Variants in DLG2 observed in about 807,000 individuals in gnomAD.
DLG2 encodes the protein discs large MAGUK scaffold protein 2.
DLG2 carries 45 observed loss-of-function variants against 132.5 expected under a neutral mutation model. The observed-to-expected ratio is 0.34, with a 90% CI of 0.27 to 0.44. DLG2 has a LOEUF of 0.44. DLG2 is among the 20% of genes least tolerant of loss of function. DLG2 has a pLI of 1.00. For missense variants in DLG2, 1,045 were observed against 1,196.9 expected (o/e 0.87, Z 1.87); for synonymous variants, 424 against 419.6 (o/e 1.01, Z -0.13).
At chr11:85,288,699 G>A (rs1373496291) in intron 3 of DLG2, among the ~76,000 whole-genome samples, 1 of 151,886 alleles carries the variant, frequency 6.6e-6, no homozygotes, top group East Asian at 1.9e-4. Flanking sequence ...AGAAAAAAAA[G>A]AATTTCTGTA....
At chr11:83,561,883 C>CTTTTTTTTTT (rs66514406) in intron 19 of DLG2, among the ~76,000 whole-genome samples, 3 of 87,966 alleles carry the variant, frequency 3.4e-5, no homozygotes, top group African/African-American at 4.6e-5. Context: ...GTATTTCTTT[C>CTTTTTTTTTT]TTTTTTTTTT....
intron 6 of DLG2, among the ~76,000 whole-genome samples, chr11:84,996,405 C>T (rs533367090): frequency 5.3e-5 from 8 of 152,108 alleles, no homozygotes; most frequent in East Asian, 3.9e-4. Context: ...CTTAATCTCT[C>T]GTAGTATATT....
At chr11:85,160,043 T>G (rs3941173) in intron 4 of DLG2, among the ~76,000 whole-genome samples, 14,597 of 152,168 alleles carry the variant, frequency 0.096, 946 homozygotes, top group African/African-American at 0.18. Flanking sequence ...AATTCTTAGG[T>G]GTCCAGTGGT....
chr11:84,084,266 C>G (rs565567930), intron 10 of DLG2, among the ~76,000 whole-genome samples: 1 of 152,156 alleles, frequency 6.6e-6, no homozygotes, highest in South Asian at 2.1e-4. Context: ...GGACTGCTGT[C>G]GCTGTGCTGG....
rs1013287319 is a variant in DLG2, at chr11:85,254,050, G to A, written c.186+31170C>T. Among the ~76,000 whole-genome samples the A allele has an allele frequency of 4.6e-5, 7 of 152,128 alleles. No homozygotes were observed. In the South Asian group the frequency reaches 6.2e-4, roughly 14 times the overall value. ...GATGGTTTTGGAAAAGGCAACATTC[G>A]GGCAGGAAAACAGGGATGTAAATTC... On this transcript the variant is annotated intron_variant, in intron 4 of 27. Transcript: ENST00000376104.
rs531603389 is a variant in DLG2, at chr11:84,603,740, G to A, written c.358-69009C>T. Among the ~76,000 whole-genome samples, 27 of 151,982 alleles carry A rather than the reference G, an allele frequency of 1.8e-4. No individual in the cohort carries two copies. In the East Asian group the frequency reaches 4.6e-3, roughly 26 times the overall value. ...TATCTCATGTATTGGTTTATGACAAGATTATCCAATTCAGTCATTTTATAA... is the reference window on the plus strand; with the variant it reads ...TATCTCATGTATTGGTTTATGACAAAATTATCCAATTCAGTCATTTTATAA... On this transcript the variant is annotated intron_variant, in intron 6 of 27. Transcript: ENST00000376104.
At chr11:85,116,014 C>G (rs1352365573) in intron 5 of DLG2, among the ~76,000 whole-genome samples, 1 of 151,918 alleles carries the variant, frequency 6.6e-6, no homozygotes, top group East Asian at 1.9e-4. Context: ...AATCTTTGAA[C>G]AAGCATTTCA....
chr11:83,601,787 T>TG (rs1205335875), intron 19 of DLG2, among the ~76,000 whole-genome samples: 1 of 151,960 alleles, frequency 6.6e-6, no homozygotes, highest in Non-Finnish European at 1.5e-5. Context: ...CCTCCCAAAG[T>TG]GCTGGGGTTA....
chr11:84,010,686 T>C (rs1488463787), intron 11 of DLG2, among the ~76,000 whole-genome samples: 2 of 152,104 alleles, frequency 1.3e-5, no homozygotes, highest in African/African-American at 4.8e-5. Context: ...AACTGAAGTA[T>C]GACAACATAA....
chr11:84,435,454 A>T (rs564718481), intron 7 of DLG2, among the ~76,000 whole-genome samples: 3 of 152,246 alleles, frequency 2.0e-5, no homozygotes, highest in African/African-American at 7.2e-5. Context: ...ATGTTATTTC[A>T]TGTTGCTTAT....
At chr11:84,196,795 C>T (rs2096524891) in intron 8 of DLG2, among the ~76,000 whole-genome samples, 1 of 151,902 alleles carries the variant, frequency 6.6e-6, no homozygotes, top group African/African-American at 2.4e-5. Flanking sequence ...AATCCCAGCA[C>T]TTTGGGAGGC....
intron 8 of DLG2, among the ~76,000 whole-genome samples, chr11:84,182,013 C>A (rs747494168): frequency 6.6e-6 from 1 of 152,134 alleles, no homozygotes; most frequent in Non-Finnish European, 1.5e-5. Flanking sequence ...CTCCATGGAA[C>A]CATCACACAA....
chr11:84,420,920 G>A (rs978717396), intron 7 of DLG2, among the ~76,000 whole-genome samples: 8 of 151,530 alleles, frequency 5.3e-5, no homozygotes, highest in Non-Finnish European at 7.4e-5. Context: ...TGCCCGCCTC[G>A]GCCTCCCAAA....
intron 3 of DLG2, among the ~76,000 whole-genome samples, chr11:85,461,059 T>C (rs2092593884): frequency 6.6e-6 from 1 of 152,234 alleles, no homozygotes; most frequent in African/African-American, 2.4e-5. Flanking sequence ...AAAGCTTCTA[T>C]TCTTAAACTT....
intron 15 of DLG2, among the ~76,000 whole-genome samples, chr11:83,888,863 C>T (rs949502080): frequency 4.6e-5 from 7 of 152,146 alleles, no homozygotes; most frequent in Non-Finnish European, 8.8e-5. Flanking sequence ...GGAAAGGATT[C>T]CGTATTTAAT....
intron 19 of DLG2, among the ~76,000 whole-genome samples, chr11:83,587,140 T>A (rs2097099441): frequency 6.6e-6 from 1 of 152,226 alleles, no homozygotes; most frequent in Non-Finnish European, 1.5e-5. Flanking sequence ...TTCCTATTAT[T>A]GTTATGCTTT....
At chr11:84,985,767 C>T (rs1442376954) in intron 6 of DLG2, among the ~76,000 whole-genome samples, 4 of 151,770 alleles carry the variant, frequency 2.6e-5, no homozygotes, top group Non-Finnish European at 4.4e-5. Flanking sequence ...CCAAGTTGGG[C>T]GGATCACTTG....
At chr11:84,251,169 G>C in intron 8 of DLG2, 69 bp downstream of exon 8, 2 of 956,482 alleles carry the variant, frequency 2.1e-6, no homozygotes, top group Non-Finnish European at 3.1e-6. Flanking sequence ...AATGTGAATT[G>C]AATTTAAATT....
intron 12 of DLG2, among the ~76,000 whole-genome samples, chr11:83,977,665 T>A (rs2092393301): frequency 6.6e-6 from 1 of 152,108 alleles, no homozygotes; most frequent in East Asian, 1.9e-4. Flanking sequence ...ACTCCCGAAG[T>A]GGCACAAGCT....
Sources: allele counts gnomAD v4.1 joint callset (sites outside exome capture counted in the v4.1 genomes callset), GRCh38; gene constraint gnomAD v4.1.1; transcripts MANE v1.5; gene names NCBI Gene and HGNC (gene_info 2026-07-23, HGNC 2026-07-21).